The following ARL15 variants were observed in gnomAD, a reference collection of about 807,000 sequenced individuals.
The protein encoded by ARL15 is ARF like GTPase 15, also known as ADP-ribosylation factor-like protein 15.
Under a neutral mutation model 25.2 loss-of-function variants are expected in ARL15, and 19 were observed. That is an observed-to-expected ratio of 0.75 (90% CI 0.53 to 1.10). ARL15 has a LOEUF of 1.10. Among genes scored for constraint, ARL15 ranks in the 50% least tolerant of loss-of-function variants. ARL15 has a pLI of 0.00. For missense variants in ARL15, 220 were observed against 246.0 expected, an observed-to-expected ratio of 0.89 and a Z score of 0.71; for synonymous variants, 94 against 86.8, an observed-to-expected ratio of 1.08 and a Z score of -0.46.
chr5:53,914,804 CTTTCT>C (rs933598423), intron 4 of ARL15, among the ~76,000 whole-genome samples: 28 of 151,532 alleles, frequency 1.8e-4, no homozygotes, highest in Middle Eastern at 6.8e-3. Flanking sequence ...TTTTTCTTTC[CTTTCT>C]TTTCTTTTCT....
chr5:54,038,176 T>G (rs1750229842), intron 4 of ARL15, among the ~76,000 whole-genome samples: 1 of 152,054 alleles, frequency 6.6e-6, no homozygotes. Context: ...TCCTAAAAAG[T>G]TTTTGCTTAT....
intron 1 of ARL15, among the ~76,000 whole-genome samples, chr5:54,239,438 G>T (rs1402288036): frequency 1.3e-5 from 2 of 152,146 alleles, no homozygotes; most frequent in Non-Finnish European, 2.9e-5. Flanking sequence ...TCACCTCAAA[G>T]AAATGCTCAG....
chr5:53,907,479 TA>T lies in ARL15; in HGVS notation c.463-20767del, dbSNP rs1232302873. On this transcript the variant is annotated intron_variant, in intron 4 of 4. Coordinates refer to ENST00000504924, the MANE Select transcript of ARL15 (RefSeq NM_019087.3). ...GTTCATATATATATATATATATATA[TA>T]TATATATATTTTTTTTTTTTTTTTT... is the stretch of plus-strand genomic sequence containing the variant. Among the ~76,000 whole-genome samples the T allele has an allele frequency of 5.8e-3, 202 of 35,096 alleles. 2 individuals are homozygous for T. The highest frequency in any genetic ancestry group is 0.017 in the African/African-American group (130 of 7,834). The allele number at this position is 35,096 out of a possible 152,430, so 23.0% of individuals were successfully genotyped here.
chr5:54,233,693 G>C (rs935169343), intron 1 of ARL15, among the ~76,000 whole-genome samples: 7 of 152,212 alleles, frequency 4.6e-5, no homozygotes, highest in African/African-American at 1.7e-4. Context: ...TAGCCCCTAA[G>C]GAACTACCAT....
intron 1 of ARL15, among the ~76,000 whole-genome samples, chr5:54,283,881 T>A (rs1182113955): frequency 1.3e-5 from 2 of 152,208 alleles, no homozygotes; most frequent in Non-Finnish European, 2.9e-5. Context: ...GGGAACTGAC[T>A]CTGAGAAGAG....
At chr5:53,960,952 T>G (rs897568297) in intron 4 of ARL15, among the ~76,000 whole-genome samples, 1 of 152,174 alleles carries the variant, frequency 6.6e-6, no homozygotes, top group African/African-American at 2.4e-5. Flanking sequence ...AAGAGGCTTG[T>G]TTTTGTCAGG....
intron 1 of ARL15, among the ~76,000 whole-genome samples, chr5:54,204,616 A>T (rs1259494996): frequency 6.6e-6 from 1 of 152,190 alleles, no homozygotes; most frequent in Non-Finnish European, 1.5e-5. Context: ...AACATAATGT[A>T]CACACTCTAA....
intron 3 of ARL15, among the ~76,000 whole-genome samples, chr5:54,150,305 G>A (rs1329753434): frequency 6.6e-6 from 1 of 152,196 alleles, no homozygotes; most frequent in African/African-American, 2.4e-5. Flanking sequence ...GATTCAGAAG[G>A]TAGTCTTGAA....
At chr5:54,150,514 T>C (rs979068334) in intron 3 of ARL15, among the ~76,000 whole-genome samples, 1 of 152,098 alleles carries the variant, frequency 6.6e-6, no homozygotes, top group Non-Finnish European at 1.5e-5. Flanking sequence ...AATATGGTAT[T>C]TTAGGGATGG....
chr5:53,899,916 A>C (rs1450816878), intron 4 of ARL15, among the ~76,000 whole-genome samples: 1 of 152,110 alleles, frequency 6.6e-6, no homozygotes, highest in African/African-American at 2.4e-5. Flanking sequence ...CCCTACATCT[A>C]TTTATCCAAT....
intron 4 of ARL15, among the ~76,000 whole-genome samples, chr5:54,093,051 G>A (rs1333446863): frequency 2.6e-5 from 4 of 152,100 alleles, no homozygotes; most frequent in South Asian, 4.1e-4. Flanking sequence ...TTTACATGCA[G>A]ACATATAAAG....
At chr5:54,225,988 G>C (rs893184060) in intron 1 of ARL15, among the ~76,000 whole-genome samples, 3 of 152,334 alleles carry the variant, frequency 2.0e-5, no homozygotes, top group Non-Finnish European at 2.9e-5. Flanking sequence ...GGTTCCAGCA[G>C]AGGGAGGTGG....
At chr5:53,985,246 A>G (rs1322004577) in intron 4 of ARL15, among the ~76,000 whole-genome samples, 1 of 150,534 alleles carries the variant, frequency 6.6e-6, no homozygotes, top group African/African-American at 2.5e-5. Context: ...ACACTCTCAC[A>G]CTCCTCCCCC....
chr5:54,136,388 A>G (rs1480944858), intron 3 of ARL15, among the ~76,000 whole-genome samples: 2 of 152,236 alleles, frequency 1.3e-5, no homozygotes, highest in African/African-American at 4.8e-5. Flanking sequence ...CCAGTAAAAT[A>G]CAAGCAAGTC....
chr5:54,073,333 C>T (rs1319025572), intron 4 of ARL15, among the ~76,000 whole-genome samples: 2 of 152,182 alleles, frequency 1.3e-5, no homozygotes, highest in African/African-American at 2.4e-5. Context: ...TCCAGCTCTT[C>T]GTAAGACAGC....
chr5:54,263,359 A>G (rs1757543689), intron 1 of ARL15, among the ~76,000 whole-genome samples: 1 of 152,198 alleles, frequency 6.6e-6, no homozygotes, highest in African/African-American at 2.4e-5. Context: ...GATTAGATAA[A>G]AGTAAGACAC....
At chr5:54,188,934 T>C (rs1264295014) in intron 1 of ARL15, among the ~76,000 whole-genome samples, 3 of 152,194 alleles carry the variant, frequency 2.0e-5, no homozygotes, top group African/African-American at 4.8e-5. Context: ...CTAACCATTT[T>C]TTTTGTGCAA....
intron 1 of ARL15, among the ~76,000 whole-genome samples, chr5:54,178,878 T>TA: frequency 6.6e-6 from 1 of 152,298 alleles, no homozygotes; most frequent in East Asian, 1.9e-4. Flanking sequence ...CAAAATGTGT[T>TA]ACGGGATTTG....
rs7732723 is a variant in ARL15, at chr5:54,197,146, G to C, written c.49-25218C>G. ...TTGTTTTTTTTTTATTTTTTTACTT[G>C]AACAGACTAGACTGAAGTGTAGTAG... is the stretch of plus-strand genomic sequence containing the variant. On this transcript the variant is annotated intron_variant, in intron 1 of 4. Transcript: ENST00000504924. Among the ~76,000 whole-genome samples, 80 of 150,988 alleles carry C rather than the reference G, an allele frequency of 5.3e-4. 2 individuals carry two copies. In the East Asian group the frequency reaches 0.011, roughly 22 times the overall value.
Sources: allele counts gnomAD v4.1 joint callset (sites outside exome capture counted in the v4.1 genomes callset), GRCh38; gene constraint gnomAD v4.1.1; transcripts MANE v1.5; gene names NCBI Gene and HGNC (gene_info 2026-07-23, HGNC 2026-07-21).